PIGN: variants seen among roughly 807,000 people sequenced by gnomAD.
PIGN encodes GPI ethanolamine phosphate transferase 1.
A neutral mutation model predicts 125.4 loss-of-function variants in PIGN; 117 were observed. The observed-to-expected ratio is 0.93, with a 90% CI of 0.80 to 1.09. The LOEUF (loss-of-function observed/expected upper bound fraction) is 1.09, where lower values mean the gene tolerates loss of function less well. Ranked by LOEUF, PIGN falls within the 50% of genes least tolerant of loss-of-function variation. The pLI is 0.00. For synonymous variants in PIGN, 392 were observed against 377.8 expected, an observed-to-expected ratio of 1.04 and a Z score of -0.44; for missense variants, 1,075 against 1,094.9, an observed-to-expected ratio of 0.98 and a Z score of 0.26.
chr18:62,177,992 A>T (rs890688813), intron 1 of PIGN, among the ~76,000 whole-genome samples: 1 of 152,086 alleles, frequency 6.6e-6, no homozygotes, highest in Non-Finnish European at 1.5e-5. Flanking sequence ...ACCTCTCAGG[A>T]TCTTTCTGGG....
At chr18:62,151,215 G>C (rs552432757) in intron 7 of PIGN, among the ~76,000 whole-genome samples, 1 of 152,292 alleles carries the variant, frequency 6.6e-6, no homozygotes, top group Admixed American at 6.5e-5. Flanking sequence ...AGACAGGCAT[G>C]AGTGGGGCAA....
intron 30 of PIGN, among the ~76,000 whole-genome samples, chr18:62,050,906 A>C (rs1398321491): frequency 6.6e-6 from 1 of 151,402 alleles, no homozygotes; most frequent in African/African-American, 2.4e-5. Flanking sequence ...AGTTTTTAGC[A>C]TGAACGGTTG....
At chr18:62,067,889 T>A (rs1276571146) in intron 30 of PIGN, among the ~76,000 whole-genome samples, 3 of 152,210 alleles carry the variant, frequency 2.0e-5, no homozygotes, top group African/African-American at 7.2e-5. Flanking sequence ...TTTAAGAAAG[T>A]TTCTTTTCCC....
chr18:62,119,287 T>C (rs775106271), intron 14 of PIGN, among the ~76,000 whole-genome samples: 44 of 151,860 alleles, frequency 2.9e-4, no homozygotes, highest in Middle Eastern at 3.2e-3. Flanking sequence ...ACAAGACCAA[T>C]TGAAAAAAAA....
In PIGN at chr18:62,117,443, T is replaced by G. The variant is rs534518282; in HGVS notation, c.1173-2804A>C. On this transcript the variant is annotated intron_variant, in intron 14 of 30. Coordinates refer to ENST00000640252, the MANE Select transcript of PIGN (RefSeq NM_176787.5). ...CAAGGGAGATCTATACATATAAACA[T>G]GGATAAATCCTGAAAACCAAACTAA... Among the ~76,000 whole-genome samples the G allele has an allele frequency of 7.2e-5, 11 of 152,120 alleles. No homozygotes were observed. The South Asian group carries it at 2.3e-3, about 32-fold the overall frequency.
chr18:62,097,809 G>A (rs1353135736), intron 22 of PIGN, among the ~76,000 whole-genome samples: 1 of 152,030 alleles, frequency 6.6e-6, no homozygotes, highest in East Asian at 1.9e-4. Flanking sequence ...CATGAGAGAT[G>A]TATCGACTCT....
At chr18:62,127,655 GAAC>G (rs2035583754) in intron 14 of PIGN, among the ~76,000 whole-genome samples, 1 of 151,044 alleles carries the variant, frequency 6.6e-6, no homozygotes, top group Non-Finnish European at 1.5e-5. Context: ...TCATTTGCTT[GAAC>G]AACTGCAACA....
chr18:62,101,842 A>T (rs1346087677), intron 21 of PIGN, among the ~76,000 whole-genome samples: 1 of 152,176 alleles, frequency 6.6e-6, no homozygotes, highest in Non-Finnish European at 1.5e-5. Flanking sequence ...GATGTTTTCC[A>T]TCGTTATCTA....
chr18:62,157,037 C>A, intron 6 of PIGN, 92 bp downstream of exon 6: 4 of 519,194 alleles, frequency 7.7e-6, no homozygotes, highest in East Asian at 6.4e-5. Context: ...GTGTAAAAAT[C>A]AACACATACA....
At chr18:62,087,975 G>A (rs2033784017) in intron 25 of PIGN, among the ~76,000 whole-genome samples, 1 of 152,110 alleles carries the variant, frequency 6.6e-6, no homozygotes, top group Non-Finnish European at 1.5e-5. Flanking sequence ...ATATTGTATT[G>A]TATACTTGAA....
intron 30 of PIGN, among the ~76,000 whole-genome samples, chr18:62,060,798 T>C (rs915478069): frequency 1.3e-5 from 2 of 152,210 alleles, no homozygotes; most frequent in Non-Finnish European, 2.9e-5. Context: ...AATCTGAATA[T>C]ACGTTTTTAT....
Position 62,045,438 on chromosome 18 carries a change from C to G in PIGN, c.*418G>C, listed in dbSNP as rs1337667603. The G allele has an allele frequency of 2.0e-5, 3 of 153,442 alleles. No individual in the cohort carries two copies. Among genetic ancestry groups the G allele is most frequent in the Admixed American group, 6.5e-5 (1 of 15,420 alleles). 9.5% of individuals were successfully genotyped at this position (153,442 alleles called of 1,614,324 possible). On this transcript the variant is annotated 3_prime_UTR_variant, in exon 31 of 31. Transcript: ENST00000640252. ...AAGCTGATAAATATTGACGGTGGCA[C>G]CTGGTGATTTCCTTCCAGCTCAGCC... is the stretch of plus-strand genomic sequence containing the variant.
In PIGN at chr18:62,093,416, C is replaced by T. The variant is rs147108786; in HGVS notation, c.2180+2432G>A. ...TGAAATATCAATGAAATGTCATCACCGGCTCAGGGAGAACATAATGAAAAC... is the reference window on the plus strand; with the variant it reads ...TGAAATATCAATGAAATGTCATCACTGGCTCAGGGAGAACATAATGAAAAC... On this transcript the variant is annotated intron_variant, in intron 23 of 30. Transcript: ENST00000640252. 4.9e-3 allele frequency among the ~76,000 whole-genome samples: 750 copies of T among 152,030 alleles called. 9 individuals are homozygous for T. Among genetic ancestry groups the T allele is most frequent in the African/African-American group, 0.017 (707 of 41,496 alleles).
chr18:62,026,302 C>T (rs527422437), intron 23 of PIGN, among the ~76,000 whole-genome samples: 56 of 151,878 alleles, frequency 3.7e-4, no homozygotes, highest in African/African-American at 1.4e-3. Context: ...TGTCCATTTT[C>T]AACAGATAAT....
chr18:62,067,935 A>G (rs1174891295), intron 30 of PIGN, among the ~76,000 whole-genome samples: 2 of 152,188 alleles, frequency 1.3e-5, no homozygotes, highest in Non-Finnish European at 2.9e-5. Context: ...GGCCACCAGT[A>G]AGTTCTATGC....
At chr18:62,080,892 GCTA>G (rs1211300797) in intron 28 of PIGN, among the ~76,000 whole-genome samples, 5 of 152,048 alleles carry the variant, frequency 3.3e-5, no homozygotes, top group African/African-American at 4.8e-5. Context: ...TTCATGCACA[GCTA>G]CTACCTTTTT....
intron 11 of PIGN, among the ~76,000 whole-genome samples, chr18:62,141,991 A>C (rs760067766): frequency 7.9e-5 from 12 of 152,128 alleles, no homozygotes; most frequent in Non-Finnish European, 1.6e-4. Context: ...ATCTCAGCTC[A>C]TTCCTCGACT....
intron 14 of PIGN, among the ~76,000 whole-genome samples, chr18:62,126,992 T>C (rs907932163): frequency 6.6e-6 from 1 of 152,176 alleles, no homozygotes; most frequent in African/African-American, 2.4e-5. Flanking sequence ...CTTCCATTCC[T>C]ATCTTGTCAA....
intron 14 of PIGN, among the ~76,000 whole-genome samples, chr18:62,121,706 T>C (rs1186858274): frequency 6.6e-6 from 1 of 152,166 alleles, no homozygotes; most frequent in Non-Finnish European, 1.5e-5. Context: ...ATTTCATTCC[T>C]TTTTTATGAA....
Sources: gnomAD v4.1 joint callset for allele counts (sites outside exome capture counted in the v4.1 genomes callset) on GRCh38, gnomAD v4.1.1 for gene constraint, MANE v1.5 for transcripts, NCBI Gene and HGNC (gene_info 2026-07-23, HGNC 2026-07-21) for gene names.